MMP16: variants seen among roughly 807,000 people sequenced by gnomAD.
MMP16 encodes the protein matrix metallopeptidase 16.
Under a neutral mutation model 67.8 loss-of-function variants are expected in MMP16, and 12 were observed. The observed-to-expected ratio is 0.18, with a 90% CI of 0.11 to 0.29. The LOEUF (loss-of-function observed/expected upper bound fraction) is 0.29, where lower values mean the gene tolerates loss of function less well. Ranked by LOEUF, MMP16 falls within the 10% of genes least tolerant of loss-of-function variation. The pLI is 1.00. For synonymous variants in MMP16, 249 were observed against 255.9 expected (o/e 0.97, Z 0.26); for missense variants, 475 against 765.7 (o/e 0.62, Z 4.48).
intron 1 of MMP16, among the ~76,000 whole-genome samples, chr8:88,262,377 C>T (rs1377404479): frequency 2.0e-4 from 30 of 152,178 alleles, no homozygotes; most frequent in Non-Finnish European, 4.4e-4. Context: ...TGTTGATGGA[C>T]TTGTCTACCA....
chr8:88,137,246 T>C (rs576862590), intron 4 of MMP16, among the ~76,000 whole-genome samples: 1 of 152,040 alleles, frequency 6.6e-6, no homozygotes, highest in South Asian at 2.1e-4. Context: ...ATTTTGGAGT[T>C]GTCTGTTTAC....
rs188842263 is a variant in MMP16, at chr8:88,239,858, T to C, written c.133-42552A>G. On this transcript the variant is annotated intron_variant, in intron 1 of 9. Coordinates refer to ENST00000286614, the MANE Select transcript of MMP16 (RefSeq NM_005941.5). ...AATTCCTCCCCTCCCAAATCAAATA[T>C]AAGAACTAATATGCTCTACTTTTAT... 2.2e-3 allele frequency among the ~76,000 whole-genome samples: 339 copies of C among 152,308 alleles called. 1 individual carries two copies. The highest frequency in any genetic ancestry group is 7.8e-3 in the African/African-American group (323 of 41,578).
chr8:88,307,924 CCTATT>C (rs1369615552), intron 1 of MMP16, among the ~76,000 whole-genome samples: 5 of 151,870 alleles, frequency 3.3e-5, no homozygotes, highest in African/African-American at 1.2e-4. Context: ...ATCAGAAGAT[CCTATT>C]CTAAACTGCA....
At chr8:88,071,619 G>C (rs1330968768) in intron 7 of MMP16, among the ~76,000 whole-genome samples, 1 of 152,156 alleles carries the variant, frequency 6.6e-6, no homozygotes, top group East Asian at 1.9e-4. Context: ...GTAAATCACA[G>C]TCTAATATGG....
chr8:88,175,449 G>A (rs531304516), intron 3 of MMP16, among the ~76,000 whole-genome samples: 32 of 152,182 alleles, frequency 2.1e-4, no homozygotes, highest in Non-Finnish European at 4.1e-4. Flanking sequence ...TAATGCTTTC[G>A]ATACACTAGG....
At chr8:88,061,934 C>A (rs1204430466) in intron 7 of MMP16, among the ~76,000 whole-genome samples, 1 of 151,620 alleles carries the variant, frequency 6.6e-6, no homozygotes, top group Non-Finnish European at 1.5e-5. Context: ...CTTATATTCC[C>A]TTTATGAAAA....
intron 1 of MMP16, among the ~76,000 whole-genome samples, chr8:88,201,209 G>T (rs993905037): frequency 1.2e-4 from 18 of 150,308 alleles, no homozygotes; most frequent in African/African-American, 4.4e-4. Context: ...GAATATATTA[G>T]GGCTAGAAGA....
intron 4 of MMP16, among the ~76,000 whole-genome samples, chr8:88,166,657 T>G (rs951766355): frequency 8.5e-6 from 1 of 117,334 alleles, no homozygotes; most frequent in Non-Finnish European, 1.8e-5. Flanking sequence ...ATGAAATGGA[T>G]GAGAGACAAA....
At chr8:88,109,808 A>G (rs899767102) in intron 6 of MMP16, among the ~76,000 whole-genome samples, 3 of 151,286 alleles carry the variant, frequency 2.0e-5, no homozygotes, top group Non-Finnish European at 4.4e-5. Context: ...TATATAAAAC[A>G]CAGAAAAACA....
chr8:88,044,188 G>A (rs1414674953), intron 9 of MMP16, among the ~76,000 whole-genome samples: 1 of 152,188 alleles, frequency 6.6e-6, no homozygotes, highest in Non-Finnish European at 1.5e-5. Context: ...GCTCATGCCT[G>A]TAATCCCAGC....
At chr8:88,301,257 C>G (rs757414097) in intron 1 of MMP16, among the ~76,000 whole-genome samples, 1 of 152,100 alleles carries the variant, frequency 6.6e-6, no homozygotes, top group African/African-American at 2.4e-5. Context: ...AGCCTTCTCT[C>G]GTTCCCTCAA....
intron 2 of MMP16, among the ~76,000 whole-genome samples, chr8:88,193,055 C>A (rs528361098): frequency 2.0e-5 from 3 of 152,134 alleles, no homozygotes; most frequent in Non-Finnish European, 4.4e-5. Flanking sequence ...CACTGCTGGG[C>A]ATATATCCAA....
Position 88,052,234 on chromosome 8 carries a change from T to G in MMP16, c.1373+3894A>C, listed in dbSNP as rs950224648. ...TCAGTCAAGCATGGACATTTCAATCTCTTAATCCCCTTCCCCCAATATTCC... is the reference window on the plus strand; with the variant it reads ...TCAGTCAAGCATGGACATTTCAATCGCTTAATCCCCTTCCCCCAATATTCC... On this transcript the variant is annotated intron_variant, in intron 8 of 9. Transcript: ENST00000286614. Among the ~76,000 whole-genome samples the G allele has an allele frequency of 7.2e-5, 11 of 152,162 alleles. 1 individual carries two copies. Among genetic ancestry groups the G allele is most frequent in the Admixed American group, 2.6e-4 (4 of 15,266 alleles).
At chr8:88,044,100 C>G (rs1341153017) in intron 9 of MMP16, among the ~76,000 whole-genome samples, 1 of 152,170 alleles carries the variant, frequency 6.6e-6, no homozygotes, top group Non-Finnish European at 1.5e-5. Context: ...TTTATAGTAA[C>G]ACACTCCACA....
chr8:88,135,650 C>A (rs747010551), intron 4 of MMP16, among the ~76,000 whole-genome samples: 2 of 151,672 alleles, frequency 1.3e-5, no homozygotes, highest in Non-Finnish European at 1.5e-5. Flanking sequence ...AGAGGAGAAT[C>A]GACGTAACCA....
chr8:88,301,027 G>A (rs185392763), intron 1 of MMP16, among the ~76,000 whole-genome samples: 10 of 152,054 alleles, frequency 6.6e-5, no homozygotes, highest in South Asian at 6.2e-4. Context: ...GTAAGAGCAG[G>A]GATCACTTAA....
intron 6 of MMP16, among the ~76,000 whole-genome samples, chr8:88,098,913 G>C (rs983612816): frequency 8.6e-5 from 13 of 151,802 alleles, no homozygotes; most frequent in Admixed American, 3.3e-4. Flanking sequence ...CCCATTCTAT[G>C]AATGATACAT....
intron 1 of MMP16, among the ~76,000 whole-genome samples, chr8:88,294,851 T>A (rs574074576): frequency 1.3e-5 from 2 of 152,266 alleles, no homozygotes; most frequent in African/African-American, 4.8e-5. Context: ...AAGCTGGGAT[T>A]ACAGGTGCCT....
rs1191396755 is a variant in MMP16, at chr8:88,058,599, T to A, written c.1223-2321A>T. ...TGATGGGATTTGGGGCTACTTTGTATTAGATGCAGGAGAGATCTCTTTATT... is the reference window on the plus strand; with the variant it reads ...TGATGGGATTTGGGGCTACTTTGTAATAGATGCAGGAGAGATCTCTTTATT... On this transcript the variant is annotated intron_variant, in intron 7 of 9. Transcript: ENST00000286614. This position sits in a 1 kb window ranked among gnomAD's most constrained non-coding sequence, Gnocchi z 4.2. Among the ~76,000 whole-genome samples, 2 of 152,146 alleles carry A rather than the reference T, an allele frequency of 1.3e-5. No individual in the cohort carries two copies. The highest frequency in any genetic ancestry group is 2.9e-5 in the Non-Finnish European group (2 of 68,000).
Sources: gnomAD v4.1 joint callset for allele counts (sites outside exome capture counted in the v4.1 genomes callset) on GRCh38, gnomAD v4.1.1 for gene constraint, Gnocchi (gnomAD v3.1) non-coding constraint, MANE v1.5 for transcripts, NCBI Gene and HGNC (gene_info 2026-07-23, HGNC 2026-07-21) for gene names.